FOCAD: variants seen among roughly 807,000 people sequenced by gnomAD.
The protein encoded by FOCAD is KIAA1797.
A neutral mutation model predicts 225.6 loss-of-function variants in FOCAD; 198 were observed. The observed-to-expected ratio is 0.88, with a 90% confidence interval of 0.78 to 0.99. FOCAD has a LOEUF of 0.99. FOCAD is among the 50% of genes least tolerant of loss of function. The pLI is 0.00. For missense variants in FOCAD, 2,713 were observed against 2,123.6 expected, an observed-to-expected ratio of 1.28 and a Z score of -5.46; for synonymous variants, 897 against 755.0, an observed-to-expected ratio of 1.19 and a Z score of -3.08.
At chr9:20,681,794 C>T (rs1428622344), upstream of FOCAD, among the ~76,000 whole-genome samples, 1 of 152,100 alleles carries the variant, frequency 6.6e-6, no homozygotes, top group Non-Finnish European at 1.5e-5. Context: ...AGGAGTATAC[C>T]CCAGAAGGAG....
chr9:20,879,500 C>G (rs1019629282), intron 19 of FOCAD, among the ~76,000 whole-genome samples: 2 of 152,088 alleles, frequency 1.3e-5, no homozygotes, highest in Non-Finnish European at 2.9e-5. Flanking sequence ...TTACCTGTAT[C>G]AATTGTTTTT....
rs768123684 is a variant in FOCAD at position 20,926,358 on chromosome 9, T to A, written c.3019T>A (p.Leu1007Met). 25 of 1,614,002 alleles carry A rather than the reference T, an allele frequency of 1.5e-5. No individual in the cohort carries two copies. Among genetic ancestry groups the A allele is most frequent in the Non-Finnish European group, 1.9e-5 (23 of 1,179,846 alleles). Residue 1007 changes from leucine (L) to methionine (M), a missense_variant, in exon 26 of 44, where the codon TTG becomes ATG. Transcript: ENST00000338382. ...GGTTTCCATGGTACTTGATACACTC[T>A]TGGTCATTGTGGATAGCCATTACCA... ...EWVSMVLDTLLVIVDSHYQPR... is the reference protein window; with the variant it reads ...EWVSMVLDTLMVIVDSHYQPR...
chr9:20,779,219 G>A (rs147718467), intron 9 of FOCAD, among the ~76,000 whole-genome samples: 8 of 152,182 alleles, frequency 5.3e-5, no homozygotes, highest in Admixed American at 5.2e-4. Context: ...TTGACTTAAA[G>A]AAAAGTGAAG....
intron 11 of FOCAD, among the ~76,000 whole-genome samples, chr9:20,794,939 T>G (rs1820896866): frequency 6.6e-6 from 1 of 152,216 alleles, no homozygotes; most frequent in Non-Finnish European, 1.5e-5. Flanking sequence ...CAAGAATATA[T>G]TCATACAAAA....
chr9:20,723,416 A>G (rs1398367467), intron 4 of FOCAD, among the ~76,000 whole-genome samples: 1 of 152,218 alleles, frequency 6.6e-6, no homozygotes, highest in East Asian at 1.9e-4. Context: ...CGAACCCGGG[A>G]GGCGGATCTT....
In FOCAD at chr9:20,779,332, T is replaced by C. The variant is rs543473906; in HGVS notation, c.994+564T>C. The stretch of plus-strand genomic sequence containing the variant: ...AGTCATACTTTTAAAATGTGGCTTT[T>C]ACATTGGTGCTGCCTCACTTTACTT... On this transcript the variant is annotated intron_variant, in intron 9 of 43. Coordinates refer to ENST00000338382, the MANE Select transcript of FOCAD (RefSeq NM_001375567.1). Among the ~76,000 whole-genome samples, 3 of 152,384 alleles carry C rather than the reference T, an allele frequency of 2.0e-5. No homozygotes were observed. In the South Asian group the frequency reaches 6.2e-4, roughly 32 times the overall value.
chr9:20,724,990 G>A (rs1826074477), intron 4 of FOCAD, among the ~76,000 whole-genome samples: 1 of 152,144 alleles, frequency 6.6e-6, no homozygotes, highest in South Asian at 2.1e-4. Flanking sequence ...CCAACAAAGT[G>A]TAACCCTGTC....
rs1221679775 is a variant in FOCAD at position 20,874,825 on chromosome 9, G to T, written c.2317+18G>T. The T allele has an allele frequency of 6.2e-7, 1 of 1,613,270 alleles. No individual in the cohort carries two copies. The highest frequency in any genetic ancestry group is 1.7e-5 in the Admixed American group (1 of 59,986). On this transcript the variant is annotated intron_variant, in intron 19 of 43. Transcript: ENST00000338382. Reference sequence around the variant, plus strand: ...TTTACCAGGTGACTCCTATTTGGTAGTAGAGAAGCTAGCATTTTTTAGTGG... The same window carrying T: ...TTTACCAGGTGACTCCTATTTGGTATTAGAGAAGCTAGCATTTTTTAGTGG...
Position 20,908,706 on chromosome 9 carries a change from A to T in FOCAD, c.2718+1464A>T, listed in dbSNP as rs554729227. On this transcript the variant is annotated intron_variant, in intron 22 of 43. Coordinates refer to ENST00000338382, the MANE Select transcript of FOCAD (RefSeq NM_001375567.1). ...AAATGCATGAGTGAATGAATGAATG[A>T]CTCATGTCTCTATATTTCTTTAAGA... is the stretch of plus-strand genomic sequence containing the variant. 1.2e-4 allele frequency among the ~76,000 whole-genome samples: 18 copies of T among 152,190 alleles called. No homozygotes were observed. The South Asian group carries it at 3.7e-3, about 31-fold the overall frequency.
intron 11 of FOCAD, among the ~76,000 whole-genome samples, chr9:20,809,700 G>C (rs1822846636): frequency 6.6e-6 from 1 of 152,082 alleles, no homozygotes; most frequent in Admixed American, 6.6e-5. Flanking sequence ...AGTTAATAGT[G>C]CTTGAGATTA....
chr9:20,708,420 T>A (rs1318486216), intron 1 of FOCAD, among the ~76,000 whole-genome samples: 1 of 152,188 alleles, frequency 6.6e-6, no homozygotes, highest in African/African-American at 2.4e-5. Flanking sequence ...TATTTTTTTA[T>A]CAGCCATTTT....
intron 35 of FOCAD, 129 bp from the exon 36 acceptor site, chr9:20,976,291 G>C: frequency 5.0e-6 from 4 of 800,002 alleles, no homozygotes. Flanking sequence ...CAGAATTGAA[G>C]CGTTGATCGC....
chr9:20,874,025 C>A (rs545009131), intron 18 of FOCAD: 1 of 152,224 alleles, frequency 6.6e-6, no homozygotes, highest in African/African-American at 2.4e-5. Flanking sequence ...AATCTTTTTA[C>A]ATTTTTAATT....
At chr9:20,694,548 A>C (rs182689215) in intron 1 of FOCAD, 15 of 152,286 alleles carry the variant, frequency 9.8e-5, no homozygotes, top group African/African-American at 3.4e-4. Flanking sequence ...ATCCACACAG[A>C]TTAGCAGTTG....
intron 1 of FOCAD, among the ~76,000 whole-genome samples, chr9:20,689,818 C>G (rs1822872078): frequency 6.6e-6 from 1 of 152,160 alleles, no homozygotes; most frequent in Non-Finnish European, 1.5e-5. Context: ...GTTTACCCAT[C>G]AAGTCATTAT....
upstream of FOCAD, among the ~76,000 whole-genome samples, chr9:20,656,384 G>A (rs890627637): frequency 4.1e-4 from 62 of 152,098 alleles, no homozygotes; most frequent in Non-Finnish European, 7.7e-4. Flanking sequence ...GGGTGTTAAA[G>A]TCTCCCATTA....
chr9:20,984,664 G>C (rs1840991951), intron 39 of FOCAD, among the ~76,000 whole-genome samples: 1 of 152,138 alleles, frequency 6.6e-6, no homozygotes. Context: ...TTGTTTTGGT[G>C]AAGTATGTGA....
chr9:20,908,979 C>T (rs190017148), intron 22 of FOCAD, among the ~76,000 whole-genome samples: 14 of 152,068 alleles, frequency 9.2e-5, no homozygotes, highest in African/African-American at 3.4e-4. Flanking sequence ...ATCTTTGATG[C>T]ATTAATAAAG....
chr9:20,948,197 G>T, intron 30 of FOCAD, 74 bp from the exon 31 acceptor site: 7 of 1,327,860 alleles, frequency 5.3e-6, no homozygotes, highest in Admixed American at 2.4e-5. Flanking sequence ...TGTTTATGTT[G>T]CTATTTATAA....
Sources: allele counts gnomAD v4.1 joint callset (sites outside exome capture counted in the v4.1 genomes callset), GRCh38; gene constraint gnomAD v4.1.1; transcripts MANE v1.5; gene names NCBI Gene and HGNC (gene_info 2026-07-23, HGNC 2026-07-21).